Variants in STYXL1 observed in about 807,000 individuals in gnomAD.
STYXL1 encodes the protein serine/threonine/tyrosine interacting like 1, also known as serine/threonine/tyrosine-interacting-like protein 1.
A neutral mutation model predicts 36.4 loss-of-function variants in STYXL1; 32 were observed. That is an observed-to-expected ratio of 0.88 (90% CI 0.66 to 1.18). The LOEUF (loss-of-function observed/expected upper bound fraction) is 1.18, where lower values mean the gene tolerates loss of function less well. STYXL1 is among the 50% of genes most tolerant of loss of function. The pLI is 0.00. For missense variants in STYXL1, 354 were observed against 394.1 expected, an observed-to-expected ratio of 0.90 and a Z score of 0.86; for synonymous variants, 133 against 144.1, an observed-to-expected ratio of 0.92 and a Z score of 0.55.
intron 5 of STYXL1, among the ~76,000 whole-genome samples, chr7:76,011,889 G>A (rs1198608730): frequency 1.3e-5 from 2 of 152,356 alleles, no homozygotes; most frequent in Non-Finnish European, 2.9e-5. Flanking sequence ...GACAGGACCA[G>A]TCATCAGCAG....
At chr7:76,011,623 C>T (rs963176625) in intron 5 of STYXL1, among the ~76,000 whole-genome samples, 17 of 152,252 alleles carry the variant, frequency 1.1e-4, no homozygotes, top group Admixed American at 5.2e-4. Context: ...AAACCACTTT[C>T]TGTTTACATT....
chr7:76,002,647 G>A (rs1398568789), intron 7 of STYXL1, among the ~76,000 whole-genome samples: 2 of 152,188 alleles, frequency 1.3e-5, no homozygotes, highest in African/African-American at 4.8e-5. Flanking sequence ...GTTGGGGCTG[G>A]GTGTGGTGGC....
intron 1 of STYXL1, among the ~76,000 whole-genome samples, chr7:76,036,839 C>T (rs897692886): frequency 4.7e-5 from 6 of 127,738 alleles, no homozygotes; most frequent in African/African-American, 1.7e-4. Context: ...GGCTGGAGTG[C>T]AGTGGTGCGA....
intron 2 of STYXL1, among the ~76,000 whole-genome samples, chr7:76,028,942 G>A (rs1795034489): frequency 2.6e-5 from 4 of 151,936 alleles, no homozygotes; most frequent in African/African-American, 4.8e-5. Flanking sequence ...TGGCCAACAC[G>A]GCGAAATCCC....
intron 1 of STYXL1, among the ~76,000 whole-genome samples, chr7:76,036,219 G>C (rs1235143145): frequency 6.7e-6 from 1 of 150,232 alleles, no homozygotes; most frequent in East Asian, 1.9e-4. Context: ...TCTCACCTCA[G>C]CTTCCTGAGT....
chr7:76,007,485 T>A (rs1791935057), intron 5 of STYXL1, among the ~76,000 whole-genome samples: 1 of 152,076 alleles, frequency 6.6e-6, no homozygotes, highest in Non-Finnish European at 1.5e-5. Context: ...CACCATCTTG[T>A]ATCAGGGAGT....
chr7:76,025,505 A>C (rs1299377883), intron 3 of STYXL1, among the ~76,000 whole-genome samples: 1 of 152,032 alleles, frequency 6.6e-6, no homozygotes, highest in African/African-American at 2.4e-5. Flanking sequence ...GAGTAAGATT[A>C]TGGGCCTGGT....
chr7:76,039,792 C>A (rs114235082), intron 1 of STYXL1, among the ~76,000 whole-genome samples: 5 of 152,128 alleles, frequency 3.3e-5, no homozygotes, highest in African/African-American at 1.2e-4. Context: ...GGACTACAGG[C>A]ATGCACCACC....
chr7:76,042,210 C>T (rs563855239), intron 1 of STYXL1, among the ~76,000 whole-genome samples: 12 of 152,066 alleles, frequency 7.9e-5, no homozygotes, highest in African/African-American at 2.2e-4. Flanking sequence ...TAGCCACTAG[C>T]TAATCCCACT....
intron 1 of STYXL1, among the ~76,000 whole-genome samples, chr7:76,047,023 A>T (rs1797203850): frequency 6.6e-6 from 1 of 150,550 alleles, no homozygotes; most frequent in Admixed American, 6.6e-5. Flanking sequence ...GCACTTTGGG[A>T]GGCCGAGGCG....
intron 5 of STYXL1, among the ~76,000 whole-genome samples, chr7:76,013,182 C>T (rs782061060): frequency 6.7e-6 from 1 of 150,188 alleles, no homozygotes; most frequent in Non-Finnish European, 1.5e-5. Flanking sequence ...AAAAATTAGC[C>T]GGGCGTGCTG....
Position 76,030,452 on chromosome 7 carries a change from T to A in STYXL1, c.72A>T (p.Arg24Ser). The change falls in exon 2 of 9, where the codon AGA becomes AGT. Residue 24 changes from arginine to serine, a missense_variant. Transcript: ENST00000359697. ...NILNQATKLS[R>S]LTDPNYLCLL... ...AACAGAGATAGTTGGGGTCTGTTAA[T>A]CTGGAGAGTTTTGTGGCCTGATTCA... The A allele has an allele frequency of 1.2e-6, 2 of 1,613,978 alleles. No individual in the cohort carries two copies. The highest frequency in any genetic ancestry group is 1.7e-6 in the Non-Finnish European group (2 of 1,179,848).
chr7:76,027,413 T>C (rs1342065811), intron 3 of STYXL1, among the ~76,000 whole-genome samples: 2 of 151,690 alleles, frequency 1.3e-5, no homozygotes, highest in Admixed American at 6.6e-5. Flanking sequence ...GTCTGTTTGC[T>C]AAATAGAAGA....
chr7:76,007,273 A>C (rs146464420), intron 5 of STYXL1, among the ~76,000 whole-genome samples: 133 of 152,144 alleles, frequency 8.7e-4, no homozygotes, highest in Non-Finnish European at 1.5e-3. Flanking sequence ...GAAAAACACA[A>C]AAATTAGCCA....
At chr7:76,034,582 T>C (rs1436662927) in intron 1 of STYXL1, among the ~76,000 whole-genome samples, 1 of 152,106 alleles carries the variant, frequency 6.6e-6, no homozygotes, top group Non-Finnish European at 1.5e-5. Context: ...CTTTCCTTTT[T>C]TTCTGCTTTA....
chr7:76,031,331 C>CAAAAAAAAA (rs60550486), intron 1 of STYXL1, among the ~76,000 whole-genome samples: 1 of 42,296 alleles, frequency 2.4e-5, no homozygotes, highest in Non-Finnish European at 3.6e-5. Flanking sequence ...ACTCTGTCTC[C>CAAAAAAAAA]AAAAAAAAAA....
intron 3 of STYXL1, among the ~76,000 whole-genome samples, chr7:76,026,031 G>A (rs1318321983): frequency 4.2e-5 from 6 of 144,156 alleles, no homozygotes; most frequent in Non-Finnish European, 6.1e-5. Flanking sequence ...TCTCTACTAC[G>A]AATACAAAAA....
chr7:76,006,050 C>T (rs1791724689), intron 5 of STYXL1, among the ~76,000 whole-genome samples: 1 of 151,986 alleles, frequency 6.6e-6, no homozygotes, highest in South Asian at 2.1e-4. Context: ...AGCCACTGTG[C>T]TCAACCCATC....
Position 76,019,354 on chromosome 7 carries a change from T to C in STYXL1, c.307+2497A>G, listed in dbSNP as rs181607781. On this transcript the variant is annotated intron_variant, in intron 4 of 8. Coordinates refer to ENST00000359697, the MANE Select transcript of STYXL1 (RefSeq NM_001317785.2). ...CGCTGTCAGCCAGGCTAGAATACAGTGGTACAGTCATAGCTCACTGCAGCC... is the reference window on the plus strand; with the variant it reads ...CGCTGTCAGCCAGGCTAGAATACAGCGGTACAGTCATAGCTCACTGCAGCC... 2.3e-3 allele frequency among the ~76,000 whole-genome samples: 346 copies of C among 151,570 alleles called. 3 individuals carry two copies. Among genetic ancestry groups the C allele is most frequent in the African/African-American group, 8.1e-3 (333 of 41,308 alleles).
Sources: gnomAD v4.1 joint callset for allele counts (sites outside exome capture counted in the v4.1 genomes callset) on GRCh38, gnomAD v4.1.1 for gene constraint, MANE v1.5 for transcripts, NCBI Gene and HGNC (gene_info 2026-07-23, HGNC 2026-07-21) for gene names.